The following RARB variants were observed in gnomAD, a reference collection of about 807,000 sequenced individuals.
RARB encodes retinoic acid receptor beta, also known as HBV-activated protein.
A neutral mutation model predicts 51.9 loss-of-function variants in RARB; 17 were observed. The ratio of observed to expected loss-of-function variants is 0.33; its 90% CI spans 0.22 to 0.49. RARB has a LOEUF of 0.49. Ranked by LOEUF, RARB falls within the 20% of genes least tolerant of loss-of-function variation. The pLI, the probability that RARB is intolerant of heterozygous loss-of-function variation, is 0.99. For synonymous variants in RARB, 215 were observed against 195.4 expected, an observed-to-expected ratio of 1.10 and a Z score of -0.84; for missense variants, 369 against 550.8, an observed-to-expected ratio of 0.67 and a Z score of 3.30.
intron 5 of RARB, among the ~76,000 whole-genome samples, chr3:25,363,183 A>G (rs563612136): frequency 6.6e-6 from 1 of 152,308 alleles, no homozygotes; most frequent in Non-Finnish European, 1.5e-5. Context: ...ACTATAGTAC[A>G]AAGAAAAATG....
At chr3:25,048,596 T>C (rs919704590) in intron 2 of RARB, among the ~76,000 whole-genome samples, 2 of 152,154 alleles carry the variant, frequency 1.3e-5, no homozygotes, top group African/African-American at 2.4e-5. Flanking sequence ...TGATTACTTT[T>C]TGTGATGGCA....
chr3:24,887,147 T>C (rs1031763812), intron 2 of RARB, among the ~76,000 whole-genome samples: 2 of 152,202 alleles, frequency 1.3e-5, no homozygotes, highest in South Asian at 4.1e-4. Context: ...CTATTCATAA[T>C]AGGATTGCAA....
chr3:25,332,103 C>T (rs559834714), intron 5 of RARB, among the ~76,000 whole-genome samples: 16 of 152,030 alleles, frequency 1.1e-4, no homozygotes, highest in African/African-American at 3.6e-4. Context: ...GGTACAAAGA[C>T]GAGCTGGTAC....
At chr3:24,917,108 T>C (rs1046575221) in intron 2 of RARB, among the ~76,000 whole-genome samples, 8 of 152,222 alleles carry the variant, frequency 5.3e-5, no homozygotes, top group African/African-American at 1.9e-4. Flanking sequence ...AAAAAAATTT[T>C]ATAATGAAGT....
At chr3:25,061,055 T>C (rs1698538576) in intron 3 of RARB, among the ~76,000 whole-genome samples, 2 of 151,858 alleles carry the variant, frequency 1.3e-5, no homozygotes, top group Admixed American at 1.3e-4. Context: ...AAAGGTTGTG[T>C]AGACATAACT....
At chr3:25,410,822 C>G (rs1295705008) in intron 5 of RARB, among the ~76,000 whole-genome samples, 1 of 152,210 alleles carries the variant, frequency 6.6e-6, no homozygotes, top group African/African-American at 2.4e-5. Flanking sequence ...CAGGGCCTCT[C>G]CCCTCCTTCC....
intron 2 of RARB, among the ~76,000 whole-genome samples, chr3:24,882,453 C>T (rs921771490): frequency 7.9e-5 from 12 of 152,168 alleles, no homozygotes; most frequent in African/African-American, 2.9e-4. Context: ...GCATAGGTGA[C>T]ACACAAATGC....
chr3:24,917,600 T>G (rs769756985), intron 2 of RARB, among the ~76,000 whole-genome samples: 5 of 152,182 alleles, frequency 3.3e-5, no homozygotes, highest in Non-Finnish European at 5.9e-5. Context: ...GTGCGATCTC[T>G]GCTCACTGCA....
chr3:25,144,669 G>A (rs1223045030), intron 4 of RARB, among the ~76,000 whole-genome samples: 1 of 152,126 alleles, frequency 6.6e-6, no homozygotes, highest in Admixed American at 6.5e-5. Context: ...GGTAGATTGG[G>A]CTAACTTCTC....
chr3:25,506,362 T>C (rs1007952747), intron 3 of RARB, among the ~76,000 whole-genome samples: 1 of 152,090 alleles, frequency 6.6e-6, no homozygotes, highest in Non-Finnish European at 1.5e-5. Flanking sequence ...TCCCAGCAAT[T>C]TGTGAGAAGG....
intron 5 of RARB, among the ~76,000 whole-genome samples, chr3:25,345,440 G>C (rs921383912): frequency 6.6e-6 from 1 of 152,144 alleles, no homozygotes; most frequent in African/African-American, 2.4e-5. Flanking sequence ...GCTGAGGTGG[G>C]TGGATCACAA....
At chr3:25,282,377 C>A (rs901707685) in intron 5 of RARB, among the ~76,000 whole-genome samples, 2 of 152,198 alleles carry the variant, frequency 1.3e-5, no homozygotes, top group South Asian at 4.1e-4. Context: ...TCAAATGTCA[C>A]CTTTTCGGTA....
intron 5 of RARB, among the ~76,000 whole-genome samples, chr3:25,325,518 G>T (rs1040138171): frequency 5.9e-5 from 9 of 151,830 alleles, no homozygotes; most frequent in African/African-American, 1.9e-4. Flanking sequence ...TGGCTCAAAC[G>T]CTCTGACAGA....
intron 2 of RARB, among the ~76,000 whole-genome samples, chr3:24,889,960 GA>G (rs1036164757): frequency 3.3e-5 from 5 of 149,760 alleles, no homozygotes; most frequent in African/African-American, 1.2e-4. Flanking sequence ...AGCCCTGAAA[GA>G]AAAACCTTAA....
At chr3:25,386,125 C>G (rs190284212) in intron 5 of RARB, among the ~76,000 whole-genome samples, 1 of 152,126 alleles carries the variant, frequency 6.6e-6, no homozygotes, top group Admixed American at 6.5e-5. Context: ...GATAAAGATA[C>G]ACCAGGGACA....
intron 3 of RARB, among the ~76,000 whole-genome samples, chr3:25,501,758 A>G (rs893717153): frequency 6.6e-6 from 1 of 152,242 alleles, no homozygotes; most frequent in Non-Finnish European, 1.5e-5. Flanking sequence ...AGGATTGTAT[A>G]ACTTGTGGAA....
At chr3:25,108,791 AT>A (rs895642581) in intron 3 of RARB, among the ~76,000 whole-genome samples, 12 of 152,156 alleles carry the variant, frequency 7.9e-5, no homozygotes, top group Non-Finnish European at 1.3e-4. Context: ...AATTAACTGC[AT>A]TTTTTTATAA....
Position 25,596,507 on chromosome 3 carries a change from A to G in RARB, c.1238A>G (p.His413Arg). The change falls in exon 8 of 8, where the codon CAT becomes CGT. Residue 413 changes from histidine (H) to arginine (R), a missense_variant. By Grantham distance (29) the His-to-Arg change is conservative. Around this residue, in one of 9 missense-constraint regions of RARB, gnomAD observed 54 missense variants for 43.4 expected, o/e 1.24. Coordinates refer to ENST00000330688, the MANE Select transcript of RARB (RefSeq NM_000965.5). The part of the protein sequence containing the change: ...IQEMLENSEG[H>R]EPLTPSSSGN... ...GAAATGCTGGAGAATTCTGAAGGAC[A>G]TGAACCCTTGACCCCAAGTTCAAGT... 3 of 1,613,464 alleles carry G rather than the reference A, an allele frequency of 1.9e-6. No individual in the cohort carries two copies. The highest frequency in any genetic ancestry group is 2.5e-6 in the Non-Finnish European group (3 of 1,179,420).
At chr3:25,306,578 C>T (rs1704157079) in intron 5 of RARB, among the ~76,000 whole-genome samples, 1 of 151,464 alleles carries the variant, frequency 6.6e-6, no homozygotes, top group South Asian at 2.1e-4. Context: ...AGGAAAATTG[C>T]ATTGGAATGC....
Sources: allele counts gnomAD v4.1 joint callset (sites outside exome capture counted in the v4.1 genomes callset), GRCh38; gene constraint gnomAD v4.1.1; regional missense constraint gnomAD v4.1.1; transcripts MANE v1.5; gene names NCBI Gene and HGNC (gene_info 2026-07-23, HGNC 2026-07-21).